KAZN: variants seen among roughly 807,000 people sequenced by gnomAD.
KAZN encodes the protein kazrin.
In KAZN, 40 loss-of-function variants were observed where a neutral mutation model predicts 87.4. The ratio of observed to expected loss-of-function variants is 0.46; its 90% CI spans 0.36 to 0.60. The LOEUF (loss-of-function observed/expected upper bound fraction) is 0.60, where lower values mean the gene tolerates loss of function less well. Among genes scored for constraint, KAZN ranks in the 20% least tolerant of loss-of-function variants. The pLI, the probability that KAZN is intolerant of heterozygous loss-of-function variation, is 0.00. For synonymous variants in KAZN, 466 were observed against 458.3 expected, an observed-to-expected ratio of 1.02 and a Z score of -0.22; for missense variants, 898 against 1,073.9, an observed-to-expected ratio of 0.84 and a Z score of 2.29.
intron 2 of KAZN, among the ~76,000 whole-genome samples, chr1:14,294,646 G>A: frequency 7.0e-6 from 1 of 143,720 alleles, no homozygotes; most frequent in East Asian, 2.1e-4. Flanking sequence ...CCTGAGCCTG[G>A]GCAGTTTCCC....
intron 2 of KAZN, among the ~76,000 whole-genome samples, chr1:14,301,327 C>A (rs1654538724): frequency 6.6e-6 from 1 of 152,204 alleles, no homozygotes; most frequent in Non-Finnish European, 1.5e-5. Context: ...GCCCAAAGGC[C>A]CTGTACAAGT....
At chr1:14,295,313 G>C (rs1190013231) in intron 2 of KAZN, among the ~76,000 whole-genome samples, 1 of 152,130 alleles carries the variant, frequency 6.6e-6, no homozygotes, top group Non-Finnish European at 1.5e-5. Context: ...ATGTCCAGTT[G>C]TCTTTCCTTC....
chr1:14,014,820 T>A (rs7523620), intron 1 of KAZN, among the ~76,000 whole-genome samples: 66,416 of 151,980 alleles, frequency 0.44, 16,508 homozygotes, highest in Admixed American at 0.59. Flanking sequence ...CTTAATAAGA[T>A]AACATTGTCA....
intron 1 of KAZN, among the ~76,000 whole-genome samples, chr1:13,913,977 C>T (rs951986019): frequency 6.6e-6 from 1 of 152,204 alleles, no homozygotes; most frequent in African/African-American, 2.4e-5. Context: ...AGGCCTCACC[C>T]AAGACCTGCT....
chr1:14,725,721 A>G (rs1025305905), intron 1 of KAZN, among the ~76,000 whole-genome samples: 18 of 152,060 alleles, frequency 1.2e-4, no homozygotes, highest in Non-Finnish European at 1.9e-4. Flanking sequence ...GCTTTCCCCA[A>G]TACAGTCAAC....
At chr1:14,363,110 C>G (rs566853407) in intron 2 of KAZN, among the ~76,000 whole-genome samples, 8 of 152,138 alleles carry the variant, frequency 5.3e-5, no homozygotes, top group African/African-American at 1.4e-4. Context: ...CTCCAGGGAG[C>G]CATGGTTGCA....
chr1:14,325,830 C>T (rs867448719), intron 2 of KAZN, among the ~76,000 whole-genome samples: 36 of 152,320 alleles, frequency 2.4e-4, no homozygotes, highest in Admixed American at 4.6e-4. Context: ...ACTTTCATCA[C>T]GTGGCTTGAG....
intron 1 of KAZN, among the ~76,000 whole-genome samples, chr1:14,618,068 C>T (rs1468245208): frequency 6.6e-6 from 1 of 152,170 alleles, no homozygotes; most frequent in Non-Finnish European, 1.5e-5. Flanking sequence ...TTATTTATAG[C>T]TCAGCTGCTG....
intron 2 of KAZN, among the ~76,000 whole-genome samples, chr1:14,378,942 C>T (rs190872422): frequency 8.9e-4 from 134 of 151,240 alleles, no homozygotes; most frequent in African/African-American, 2.9e-3. Flanking sequence ...ACTGATCCCC[C>T]GCCAAACCGA....
rs1055220277 is a variant in KAZN at position 14,587,297 on chromosome 1, G to A, written c.250-11686G>A. Among the ~76,000 whole-genome samples the A allele has an allele frequency of 2.6e-5, 4 of 152,078 alleles. No individual in the cohort carries two copies. In the East Asian group the frequency reaches 5.8e-4, roughly 22 times the overall value. On this transcript the variant is annotated intron_variant, in intron 2 of 16. Coordinates refer to the KAZN transcript ENST00000636203. ...CTAAAAATACAAAAATCATCCGGGT[G>A]TGGTGGCATGCACCTGTAATCCCAG... is the stretch of plus-strand genomic sequence containing the variant.
intron 1 of KAZN, among the ~76,000 whole-genome samples, chr1:13,988,892 T>C (rs922403693): frequency 2.0e-5 from 3 of 152,196 alleles, no homozygotes; most frequent in African/African-American, 7.2e-5. Context: ...TTCAGGCTAC[T>C]CCTGATCTGA....
At chr1:14,158,114 A>G (rs1243111344) in intron 1 of KAZN, among the ~76,000 whole-genome samples, 2 of 152,076 alleles carry the variant, frequency 1.3e-5, no homozygotes, top group African/African-American at 2.4e-5. Context: ...GTATTCTATA[A>G]CCTTCTTGTA....
intron 2 of KAZN, among the ~76,000 whole-genome samples, chr1:14,217,020 T>A (rs777664439): frequency 3.9e-5 from 6 of 152,168 alleles, no homozygotes; most frequent in African/African-American, 7.2e-5. Context: ...TGAAACTAAT[T>A]GCCATTATAA....
chr1:14,750,905 TC>T (rs1644396680), intron 1 of KAZN, among the ~76,000 whole-genome samples: 1 of 152,158 alleles, frequency 6.6e-6, no homozygotes, highest in East Asian at 1.9e-4. Context: ...AATGGCCAGA[TC>T]CAGTGTAACC....
chr1:14,387,598 T>G (rs6671353), intron 2 of KAZN, among the ~76,000 whole-genome samples: 50,204 of 151,930 alleles, frequency 0.33, 9,107 homozygotes, highest in East Asian at 0.72. Context: ...TGCCCCTGCT[T>G]GGGGGGTGCC....
chr1:14,458,845 T>A (rs1667705426), intron 2 of KAZN, among the ~76,000 whole-genome samples: 1 of 152,158 alleles, frequency 6.6e-6, no homozygotes, highest in Non-Finnish European at 1.5e-5. Context: ...AATGATACTT[T>A]TTTTCCATAT....
chr1:14,940,665 C>T (rs774566338), intron 1 of KAZN, among the ~76,000 whole-genome samples: 1 of 152,144 alleles, frequency 6.6e-6, no homozygotes, highest in African/African-American at 2.4e-5. Flanking sequence ...TTCTCTTGCA[C>T]GTCCTAAGGA....
At chr1:14,478,622 G>A (rs538937975) in intron 2 of KAZN, among the ~76,000 whole-genome samples, 30 of 151,906 alleles carry the variant, frequency 2.0e-4, no homozygotes, top group Admixed American at 1.7e-3. Flanking sequence ...ATTTGTCCTC[G>A]CCCATCCTCA....
intron 1 of KAZN, among the ~76,000 whole-genome samples, chr1:14,696,792 A>T (rs889015808): frequency 3.9e-5 from 6 of 152,160 alleles, no homozygotes; most frequent in African/African-American, 1.4e-4. Flanking sequence ...TGCTCCAGGG[A>T]CCACACCTTG....
Sources: allele counts gnomAD v4.1 joint callset (sites outside exome capture counted in the v4.1 genomes callset), GRCh38; gene constraint gnomAD v4.1.1; transcripts MANE v1.5; gene names NCBI Gene and HGNC (gene_info 2026-07-23, HGNC 2026-07-21).